VPS13B: variants seen among roughly 807,000 people sequenced by gnomAD.
VPS13B encodes the protein intermembrane lipid transfer protein VPS13B.
A neutral mutation model predicts 426.4 loss-of-function variants in VPS13B; 285 were observed. The observed-to-expected ratio is 0.67, with a 90% confidence interval of 0.61 to 0.74. The LOEUF (loss-of-function observed/expected upper bound fraction) is 0.74, where lower values mean the gene tolerates loss of function less well. Ranked by LOEUF, VPS13B falls within the 30% of genes least tolerant of loss-of-function variation. VPS13B has a pLI of 0.00. For synonymous variants in VPS13B, 1,676 were observed against 1,676.4 expected (o/e 1.00, Z 0.01); for missense variants, 4,537 against 4,782.6 (o/e 0.95, Z 1.51).
In VPS13B at chr8:99,146,385, A is replaced by G. The variant is rs150602010; in HGVS notation, c.1844-1456A>G. On this transcript the variant is annotated intron_variant, in intron 13 of 61. Coordinates refer to ENST00000357162, the MANE Select transcript of VPS13B (RefSeq NM_152564.5). ...TGAGTCCTCTAGTTTGTTTTCAGTTAGTAGACCTGTGGTATTTCCCACTGT... is the reference window on the plus strand; with the variant it reads ...TGAGTCCTCTAGTTTGTTTTCAGTTGGTAGACCTGTGGTATTTCCCACTGT... Among the ~76,000 whole-genome samples, 502 of 152,282 alleles carry G rather than the reference A, an allele frequency of 3.3e-3. 2 individuals are homozygous for G. The highest frequency in any genetic ancestry group is 0.012 in the African/African-American group (480 of 41,554).
At chr8:99,756,753 GA>G (rs1174300956) in intron 39 of VPS13B, among the ~76,000 whole-genome samples, 4 of 152,174 alleles carry the variant, frequency 2.6e-5, no homozygotes, top group African/African-American at 9.6e-5. Flanking sequence ...AAATGACTGG[GA>G]TAAGTGGCAA....
intron 42 of VPS13B, among the ~76,000 whole-genome samples, chr8:99,783,539 A>G (rs1812118977): frequency 6.6e-6 from 1 of 152,212 alleles, no homozygotes; most frequent in Admixed American, 6.5e-5. Flanking sequence ...TGTAACAGCA[A>G]CCAATGGAGG....
intron 16 of VPS13B, among the ~76,000 whole-genome samples, chr8:99,172,350 G>A (rs1812386330): frequency 6.6e-6 from 1 of 152,138 alleles, no homozygotes; most frequent in African/African-American, 2.4e-5. Context: ...GCAGGATATT[G>A]AGGAATGGAT....
intron 36 of VPS13B, among the ~76,000 whole-genome samples, chr8:99,707,152 A>G (rs188702931): frequency 7.2e-5 from 11 of 152,272 alleles, no homozygotes; most frequent in Admixed American, 7.2e-4. Flanking sequence ...TGAAATTACT[A>G]AGAACTAATA....
chr8:99,366,218 T>G (rs72672386), intron 19 of VPS13B, among the ~76,000 whole-genome samples: 4,810 of 152,244 alleles, frequency 0.032, 112 homozygotes, highest in South Asian at 0.076. Context: ...TTTTATTGTG[T>G]TGGGGTCTAT....
At chr8:99,471,784 A>T (rs1228564927) in intron 24 of VPS13B, among the ~76,000 whole-genome samples, 1 of 152,094 alleles carries the variant, frequency 6.6e-6, no homozygotes, top group South Asian at 2.1e-4. Flanking sequence ...CTGCCATGCT[A>T]CACCTGCAGA....
At chr8:99,454,027 T>C (rs1390612289) in intron 23 of VPS13B, among the ~76,000 whole-genome samples, 4 of 152,196 alleles carry the variant, frequency 2.6e-5, no homozygotes, top group Non-Finnish European at 4.4e-5. Context: ...CATACTCATT[T>C]CTCAGCCCTT....
At chr8:99,380,174 T>C (rs1813716265) in intron 19 of VPS13B, among the ~76,000 whole-genome samples, 3 of 152,190 alleles carry the variant, frequency 2.0e-5, no homozygotes, top group Admixed American at 2.0e-4. Context: ...GTCTTTGCTG[T>C]AGTAGAGCTG....
chr8:99,231,121 AAAGTAT>A (rs1210475357), intron 17 of VPS13B, among the ~76,000 whole-genome samples: 2 of 152,252 alleles, frequency 1.3e-5, no homozygotes, highest in Non-Finnish European at 2.9e-5. Flanking sequence ...TCAATGAGTT[AAAGTAT>A]AAGTGTTTAT....
At chr8:99,351,884 T>G (rs1588282444) in intron 19 of VPS13B, among the ~76,000 whole-genome samples, 1 of 152,214 alleles carries the variant, frequency 6.6e-6, no homozygotes, top group East Asian at 1.9e-4. Context: ...AATGGACAAA[T>G]AAATTATCAA....
At position 99,111,226 on chromosome 8, in the gene VPS13B, C is replaced by T. The variant is rs376296532; in HGVS notation, c.709C>T (p.Arg237Cys). The change falls in exon 6 of 62, where the codon CGT (arginine) becomes TGT (cysteine). Residue 237 changes from arginine to cysteine, a missense_variant. By Grantham distance (180) the Arg-to-Cys change is radical. Coordinates refer to ENST00000357162, the MANE Select transcript of VPS13B (RefSeq NM_152564.5). ...ATTATACAAATGTTCCTTCAGAACTCGTCTTCATTTTACATATGAAAACCT... is the reference window on the plus strand; with the variant it reads ...ATTATACAAATGTTCCTTCAGAACTTGTCTTCATTTTACATATGAAAACCT... The part of the protein sequence containing the change: ...PLLYKCSFRT[R>C]LHFTYENLNS... 1.6e-5 allele frequency: 26 copies of T among 1,601,682 alleles called. No homozygotes were observed. The African/African-American group carries it at 2.8e-4, about 17-fold the overall frequency.
chr8:99,210,853 C>T (rs191384597), intron 17 of VPS13B, among the ~76,000 whole-genome samples: 1 of 152,244 alleles, frequency 6.6e-6, no homozygotes, highest in East Asian at 1.9e-4. Flanking sequence ...CTGCCTCAGC[C>T]TCCCAAAGTT....
At chr8:99,412,454 C>G (rs1815734211) in intron 21 of VPS13B, among the ~76,000 whole-genome samples, 1 of 152,174 alleles carries the variant, frequency 6.6e-6, no homozygotes, top group African/African-American at 2.4e-5. Context: ...TGCTTATCAG[C>G]TTAAGGAGGT....
chr8:99,403,925 G>A (rs1405632922), intron 21 of VPS13B, among the ~76,000 whole-genome samples: 1 of 152,198 alleles, frequency 6.6e-6, no homozygotes, highest in East Asian at 1.9e-4. Context: ...GGAAGGAAAA[G>A]ACATGAGATG....
intron 33 of VPS13B, among the ~76,000 whole-genome samples, chr8:99,593,649 A>T (rs145852452): frequency 8.8e-4 from 134 of 152,034 alleles, no homozygotes; most frequent in African/African-American, 2.9e-3. Flanking sequence ...AAAGACATGG[A>T]ATCAACCTAA....
chr8:99,565,862 G>A (rs188155892), intron 31 of VPS13B, among the ~76,000 whole-genome samples: 1 of 152,264 alleles, frequency 6.6e-6, no homozygotes, highest in Non-Finnish European at 1.5e-5. Flanking sequence ...GGGCACAGTG[G>A]TCTCTCACTA....
chr8:99,464,402 T>G (rs1158666278), intron 23 of VPS13B, among the ~76,000 whole-genome samples: 1 of 152,196 alleles, frequency 6.6e-6, no homozygotes, highest in African/African-American at 2.4e-5. Flanking sequence ...AGAGTGTTTT[T>G]TGAAAGGAAA....
At chr8:99,532,878 T>G (rs1017280349) in intron 30 of VPS13B, among the ~76,000 whole-genome samples, 9 of 151,568 alleles carry the variant, frequency 5.9e-5, no homozygotes, top group African/African-American at 1.7e-4. Flanking sequence ...GCAGAAGTTT[T>G]TTTAAAATTA....
intron 22 of VPS13B, among the ~76,000 whole-genome samples, 160 bp downstream of exon 22, chr8:99,431,824 T>C (rs1163189489): frequency 6.6e-6 from 1 of 152,170 alleles, no homozygotes; most frequent in Non-Finnish European, 1.5e-5. Context: ...TCACTTATCC[T>C]AAACATAATT....
Sources: gnomAD v4.1 joint callset for allele counts (sites outside exome capture counted in the v4.1 genomes callset) on GRCh38, gnomAD v4.1.1 for gene constraint, MANE v1.5 for transcripts, NCBI Gene and HGNC (gene_info 2026-07-23, HGNC 2026-07-21) for gene names.